LPP: variants seen among roughly 807,000 people sequenced by gnomAD.
The protein encoded by LPP is lipoma-preferred partner.
LPP carries 38 observed loss-of-function variants against 60.4 expected under a neutral mutation model. The observed-to-expected ratio is 0.63, with a 90% CI of 0.49 to 0.83. LPP has a LOEUF of 0.83. LPP is among the 40% of genes least tolerant of loss of function. LPP has a pLI of 0.00. For missense variants in LPP, 902 were observed against 783.6 expected, an observed-to-expected ratio of 1.15 and a Z score of -1.80; for synonymous variants, 328 against 290.8, an observed-to-expected ratio of 1.13 and a Z score of -1.30.
Position 188,355,834 on chromosome 3 carries a change from C to T in LPP, c.-10+14115C>T, listed in dbSNP as rs181842835. On this transcript the variant is annotated intron_variant, in intron 3 of 11. Transcript: ENST00000617246. Reference sequence around the variant, plus strand: ...CATAATGTCTTTTGCTCAACACTCTCGTAGGCTCCTCACACTTTTTTCATG... The same window carrying T: ...CATAATGTCTTTTGCTCAACACTCTTGTAGGCTCCTCACACTTTTTTCATG... Among the ~76,000 whole-genome samples, 179 of 152,298 alleles carry T rather than the reference C, an allele frequency of 1.2e-3. 1 individual carries two copies. Among genetic ancestry groups the T allele is most frequent in the African/African-American group, 3.9e-3 (163 of 41,562 alleles).
In LPP at chr3:188,744,909, C is replaced by T. The variant is rs528532148; in HGVS notation, c.1241-15204C>T. Among the ~76,000 whole-genome samples the T allele has an allele frequency of 4.6e-5, 7 of 152,180 alleles. No homozygotes were observed. In the South Asian group the frequency reaches 1.2e-3, roughly 27 times the overall value. ...GATTTTCCTCCCATTCCTACCTGCC[C>T]TCTTGGTTTTGAATGTTCCACACAA... On this transcript the variant is annotated intron_variant, in intron 8 of 11. Transcript: ENST00000617246.
intron 2 of LPP, among the ~76,000 whole-genome samples, chr3:188,231,952 A>C (rs1470756743): frequency 6.6e-6 from 1 of 152,130 alleles, no homozygotes; most frequent in Non-Finnish European, 1.5e-5. Flanking sequence ...TGCAGTTATG[A>C]ATAACATTTG....
chr3:188,767,143 A>C (rs1174897275), intron 9 of LPP, among the ~76,000 whole-genome samples: 1 of 152,204 alleles, frequency 6.6e-6, no homozygotes, highest in Non-Finnish European at 1.5e-5. Context: ...AGCAAATAAA[A>C]TGGTGAAAAG....
chr3:188,738,931 G>C (rs1723461691), intron 8 of LPP, among the ~76,000 whole-genome samples: 1 of 152,020 alleles, frequency 6.6e-6, no homozygotes, highest in Admixed American at 6.6e-5. Context: ...GGAAATAATG[G>C]CTTGCCCCTG....
At chr3:188,730,719 T>G (rs1720142054) in intron 8 of LPP, among the ~76,000 whole-genome samples, 1 of 151,836 alleles carries the variant, frequency 6.6e-6, no homozygotes, top group Non-Finnish European at 1.5e-5. Flanking sequence ...GATCTGACAG[T>G]TCTGTAGGTT....
At chr3:188,868,452 A>T (rs1327972157) in intron 10 of LPP, among the ~76,000 whole-genome samples, 1 of 152,212 alleles carries the variant, frequency 6.6e-6, no homozygotes, top group African/African-American at 2.4e-5. Flanking sequence ...AGGGGGAAAA[A>T]AATTAAAACC....
intron 9 of LPP, among the ~76,000 whole-genome samples, chr3:188,822,094 C>G (rs941645556): frequency 1.3e-5 from 2 of 152,038 alleles, no homozygotes; most frequent in Non-Finnish European, 2.9e-5. Context: ...TATACTGTCA[C>G]AGGTTTCAGA....
intron 9 of LPP, among the ~76,000 whole-genome samples, chr3:188,838,532 G>A (rs1454422719): frequency 6.6e-6 from 1 of 152,046 alleles, no homozygotes; most frequent in Non-Finnish European, 1.5e-5. Flanking sequence ...ACAGCTTTAG[G>A]ATAGGTGCAG....
At position 188,881,608 on chromosome 3, in the gene LPP, C is replaced by G. The variant is rs1423089327; in HGVS notation, c.*7129C>G. On this transcript the variant is annotated 3_prime_UTR_variant, in exon 12 of 12. Transcript: ENST00000617246. ...AGGATAGAACTCCCATGTCTACAGA[C>G]AGTTCTGTTACTTTTTGTTCTGTAC... is the stretch of plus-strand genomic sequence containing the variant. The G allele has an allele frequency of 4.5e-6, 1 of 220,054 alleles. No homozygotes were observed. 13.6% of individuals were successfully genotyped at this position (220,054 alleles called of 1,614,324 possible). A position where few individuals can be genotyped will look rare whatever the true frequency, so the allele number is the denominator to read the frequency against.
At chr3:188,311,140 C>T (rs1394841421) in intron 2 of LPP, among the ~76,000 whole-genome samples, 3 of 151,888 alleles carry the variant, frequency 2.0e-5, no homozygotes, top group African/African-American at 7.2e-5. Context: ...GTGCAGTGGC[C>T]CCAATTTTTT....
Position 188,872,776 on chromosome 3 carries a change from G to A in LPP, c.1710+13G>A, listed in dbSNP as rs773226029. 4.3e-6 allele frequency: 7 copies of A among 1,612,578 alleles called. No individual in the cohort carries two copies. Among genetic ancestry groups the A allele is most frequent in the Middle Eastern group, 1.7e-4 (1 of 5,998 alleles). ...CTACCGATGCGAGGTCTGGTTGACA[G>A]CCCTGCCCTGCCAGTCTGTGGCAGG... On this transcript the variant is annotated intron_variant, in intron 11 of 11. Transcript: ENST00000617246.
At chr3:188,460,436 G>A (rs73888489) in intron 4 of LPP, among the ~76,000 whole-genome samples, 2,541 of 152,286 alleles carry the variant, frequency 0.017, 70 homozygotes, top group African/African-American at 0.058. Flanking sequence ...GAGAAGTTGG[G>A]ACTTGAAAAT....
At chr3:188,844,167 A>C (rs1459037971) in intron 9 of LPP, among the ~76,000 whole-genome samples, 4 of 152,106 alleles carry the variant, frequency 2.6e-5, no homozygotes, top group African/African-American at 9.7e-5. Flanking sequence ...CTTAATCATT[A>C]TTTTTGGTGG....
chr3:188,193,509 T>C (rs149961584), intron 1 of LPP, among the ~76,000 whole-genome samples: 4 of 152,374 alleles, frequency 2.6e-5, no homozygotes, highest in African/African-American at 9.6e-5. Context: ...AAGTGCCATG[T>C]AAGTGTTTGT....
rs149337420 is a variant in LPP at position 188,418,412 on chromosome 3, G to A, written c.193+12099G>A. 6.2e-3 allele frequency among the ~76,000 whole-genome samples: 950 copies of A among 152,084 alleles called. 10 individuals are homozygous for A. The highest frequency in any genetic ancestry group is 0.021 in the African/African-American group (889 of 41,488). The stretch of plus-strand genomic sequence containing the variant: ...CTTTACTGCTTACTTTATCTTTCTA[G>A]CTACTCTGTAAAAAAGTTATTATCA... On this transcript the variant is annotated intron_variant, in intron 4 of 11. Transcript: ENST00000617246.
chr3:188,697,763 G>A (rs1194807760), intron 7 of LPP, among the ~76,000 whole-genome samples: 2 of 152,058 alleles, frequency 1.3e-5, no homozygotes, highest in African/African-American at 2.4e-5. Context: ...GTTAACATTT[G>A]GATATATTCA....
At chr3:188,428,102 T>C (rs899804816) in intron 4 of LPP, among the ~76,000 whole-genome samples, 3 of 152,128 alleles carry the variant, frequency 2.0e-5, no homozygotes, top group African/African-American at 7.2e-5. Flanking sequence ...AAAAGGGTAG[T>C]ATCTGGGCCA....
chr3:188,236,824 G>C (rs993566106), intron 2 of LPP, among the ~76,000 whole-genome samples: 1 of 152,172 alleles, frequency 6.6e-6, no homozygotes, highest in Non-Finnish European at 1.5e-5. Flanking sequence ...AATGACTACT[G>C]ACTGATCAGA....
intron 4 of LPP, among the ~76,000 whole-genome samples, chr3:188,441,587 GTTTCTTTTTTTCT>G (rs1793855606): frequency 1.8e-5 from 2 of 109,234 alleles, no homozygotes; most frequent in South Asian, 6.0e-4. Context: ...ACTCATTACA[GTTTCTTTTTTTCT>G]TTTCTTTTCT....
Sources: allele counts gnomAD v4.1 joint callset (sites outside exome capture counted in the v4.1 genomes callset), GRCh38; gene constraint gnomAD v4.1.1; transcripts MANE v1.5; gene names NCBI Gene and HGNC (gene_info 2026-07-23, HGNC 2026-07-21).